The following USP13 variants were observed in gnomAD, a reference collection of about 807,000 sequenced individuals.
USP13 encodes the protein ubiquitin carboxyl-terminal hydrolase 13.
Under a neutral mutation model 107.8 loss-of-function variants are expected in USP13, and 68 were observed. The ratio of observed to expected loss-of-function variants is 0.63; its 90% CI spans 0.52 to 0.77. The LOEUF is 0.77. Among genes scored for constraint, USP13 ranks in the 30% least tolerant of loss-of-function variants. The pLI is 0.00. For synonymous variants in USP13, 377 were observed against 389.5 expected, an observed-to-expected ratio of 0.97 and a Z score of 0.38; for missense variants, 945 against 1,093.3, an observed-to-expected ratio of 0.86 and a Z score of 1.91.
In USP13 at chr3:179,713,297, G is replaced by C. The variant is rs189160428; in HGVS notation, c.805+4340G>C. On this transcript the variant is annotated intron_variant, in intron 6 of 20. Transcript: ENST00000263966. ...TTGATTCCTGCGAATATTGTGCAGA[G>C]TCAGTTTTAATAAAAGTATTTTCTG... 2.0e-5 allele frequency among the ~76,000 whole-genome samples: 3 copies of C among 151,856 alleles called. No homozygotes were observed. The East Asian group carries it at 5.8e-4, about 29-fold the overall frequency.
Position 179,745,146 on chromosome 3 carries a change from G to C in USP13, c.1638G>C (p.Gln546His). 1 of 1,614,172 alleles carries C rather than the reference G, an allele frequency of 6.2e-7. No individual in the cohort carries two copies. The highest frequency in any genetic ancestry group is 8.5e-7 in the Non-Finnish European group (1 of 1,180,040). ...RAKIPFSACLQAFSEPENVDD... is the reference protein window; with the variant it reads ...RAKIPFSACLHAFSEPENVDD... ...AGATACCATTTAGTGCCTGCCTTCA[G>C]GCCTTCTCTGAACCAGAAAATGTTG... The change falls in exon 13 of 21, where the codon CAG (glutamine) becomes CAC (histidine). Residue 546 changes from glutamine (Q) to histidine (H), a missense_variant. Transcript: ENST00000263966.
intron 3 of USP13, among the ~76,000 whole-genome samples, chr3:179,697,868 T>C (rs114035034): frequency 4.9e-4 from 75 of 152,324 alleles, no homozygotes; most frequent in African/African-American, 1.8e-3. Flanking sequence ...TCCATTCCAT[T>C]GAATTAAAAG....
chr3:179,763,814 G>A (rs1196141154), intron 17 of USP13, among the ~76,000 whole-genome samples, 188 bp from the exon 18 acceptor site: 2 of 152,160 alleles, frequency 1.3e-5, no homozygotes, highest in African/African-American at 2.4e-5. Flanking sequence ...ACGAACTCCT[G>A]ACCTCAGGCG....
At chr3:179,688,497 G>C (rs1447416431) in intron 2 of USP13, among the ~76,000 whole-genome samples, 1 of 152,198 alleles carries the variant, frequency 6.6e-6, no homozygotes, top group African/African-American at 2.4e-5. Flanking sequence ...CATAGAATCT[G>C]ACACATGGGC....
At chr3:179,765,960 C>A in intron 19 of USP13, 112 bp downstream of exon 19, 12 of 1,139,524 alleles carry the variant, frequency 1.1e-5, no homozygotes, top group Non-Finnish European at 1.3e-5. Context: ...AAAGTTAGCA[C>A]AGATCCCATC....
chr3:179,777,570 C>T (rs917033410), intron 19 of USP13, among the ~76,000 whole-genome samples: 15 of 151,688 alleles, frequency 9.9e-5, no homozygotes, highest in Non-Finnish European at 1.5e-4. Context: ...CTCCCACCTC[C>T]GTCTCCCGAG....
chr3:179,675,153 C>T (rs534117902), intron 1 of USP13, among the ~76,000 whole-genome samples: 18 of 149,846 alleles, frequency 1.2e-4, no homozygotes, highest in African/African-American at 2.0e-4. Context: ...CCAGCCTGGG[C>T]GACAGAGTGA....
chr3:179,690,906 G>A (rs940185850), intron 3 of USP13, among the ~76,000 whole-genome samples: 1 of 152,142 alleles, frequency 6.6e-6, no homozygotes, highest in Non-Finnish European at 1.5e-5. Flanking sequence ...AGTGACTCAC[G>A]CCTGTATTCC....
chr3:179,672,410 G>A (rs186689117), intron 1 of USP13, among the ~76,000 whole-genome samples: 2 of 148,082 alleles, frequency 1.4e-5, no homozygotes, highest in Admixed American at 6.8e-5. Context: ...TTTTGAGACA[G>A]TGTGTCGCTC....
At chr3:179,740,135 G>A (rs1714134816) in intron 10 of USP13, 112 bp from the exon 11 acceptor site, 4 of 1,469,580 alleles carry the variant, frequency 2.7e-6, no homozygotes, top group Non-Finnish European at 3.7e-6. Context: ...TCTTTGGGCT[G>A]TAGTTTTCTC....
At chr3:179,670,691 A>AT (rs36040024) in intron 1 of USP13, among the ~76,000 whole-genome samples, 59,510 of 151,292 alleles carry the variant, frequency 0.39, 12,168 homozygotes, top group African/African-American at 0.48. Context: ...TAATCCAGCA[A>AT]TTTTTTTATT....
chr3:179,700,966 A>C, intron 3 of USP13, 42 bp from the exon 4 acceptor site: 1 of 1,587,896 alleles, frequency 6.3e-7, no homozygotes, highest in Non-Finnish European at 8.5e-7. Flanking sequence ...GTGGGATATT[A>C]TTTTCCTCAC....
rs750763500 is a variant in USP13, at chr3:179,752,312, A to G, written c.1737A>G (p.Glu579=). The G allele has an allele frequency of 6.2e-7, 1 of 1,614,056 alleles. No individual in the cohort carries two copies. Among genetic ancestry groups the G allele is most frequent in the Non-Finnish European group, 8.5e-7 (1 of 1,179,986 alleles). ...VKTSRFASFP[E]YLVVQIKKFT... ...CATCTCGCTTTGCTTCATTCCCTGA[A>G]TACTTGGTAGTGCAGATAAAGAAGT... The change falls in exon 14 of 21, where the codon GAA becomes GAG. Residue 579 remains glutamate, a synonymous_variant. Transcript: ENST00000263966.
At chr3:179,752,608 A>C (rs915395032) in intron 14 of USP13, among the ~76,000 whole-genome samples, 1 of 152,250 alleles carries the variant, frequency 6.6e-6, no homozygotes, top group African/African-American at 2.4e-5. Context: ...GAGTGTAAAC[A>C]GAATCCTCAC....
At chr3:179,780,186 G>T (rs920903844) in intron 19 of USP13, among the ~76,000 whole-genome samples, 1 of 152,334 alleles carries the variant, frequency 6.6e-6, no homozygotes, top group Admixed American at 6.5e-5. Flanking sequence ...AAGGATGCCC[G>T]CTTTTGACAC....
At chr3:179,655,406 A>G (rs780243550) in intron 1 of USP13, among the ~76,000 whole-genome samples, 5 of 152,172 alleles carry the variant, frequency 3.3e-5, no homozygotes, top group African/African-American at 4.8e-5. Flanking sequence ...GATGATTGCA[A>G]TCATATCACA....
rs1462992753 is a variant in USP13 at position 179,785,342 on chromosome 3, T to C, written c.*1201T>C. On this transcript the variant is annotated 3_prime_UTR_variant, in exon 21 of 21. Coordinates refer to ENST00000263966, the MANE Select transcript of USP13 (RefSeq NM_003940.3). Reference sequence around the variant, plus strand: ...GTGATCTTGGACACACTAAGGATTTTAGATGCAAAGAAACTTTATACAACA... The same window carrying C: ...GTGATCTTGGACACACTAAGGATTTCAGATGCAAAGAAACTTTATACAACA... The C allele has an allele frequency of 6.6e-6, 1 of 152,184 alleles. No individual in the cohort carries two copies. Among genetic ancestry groups the C allele is most frequent in the African/African-American group, 2.4e-5 (1 of 41,444 alleles). 9.4% of individuals were successfully genotyped at this position (152,184 alleles called of 1,614,324 possible).
chr3:179,665,192 T>C (rs1262701186), intron 1 of USP13, among the ~76,000 whole-genome samples: 1 of 152,198 alleles, frequency 6.6e-6, no homozygotes, highest in African/African-American at 2.4e-5. Context: ...CAGTTGGTAT[T>C]ATAGGGGTAG....
intron 2 of USP13, among the ~76,000 whole-genome samples, chr3:179,689,411 C>G (rs1313332694): frequency 2.0e-5 from 3 of 152,068 alleles, no homozygotes; most frequent in Admixed American, 2.0e-4. Context: ...GTAAGCCCAG[C>G]ACTTTGGGAG....
Sources: allele counts gnomAD v4.1 joint callset (sites outside exome capture counted in the v4.1 genomes callset), GRCh38; gene constraint gnomAD v4.1.1; transcripts MANE v1.5; gene names NCBI Gene and HGNC (gene_info 2026-07-23, HGNC 2026-07-21).